CCBE1: variants seen among roughly 807,000 people sequenced by gnomAD.
The protein encoded by CCBE1 is collagen and calcium-binding EGF domain-containing protein 1.
A neutral mutation model predicts 50.0 loss-of-function variants in CCBE1; 37 were observed. The observed-to-expected ratio is 0.74, with a 90% CI of 0.57 to 0.97. CCBE1 has a LOEUF of 0.97. Ranked by LOEUF, CCBE1 falls within the 50% of genes least tolerant of loss-of-function variation. CCBE1 has a pLI of 0.00. For synonymous variants in CCBE1, 234 were observed against 203.7 expected (o/e 1.15, Z -1.27); for missense variants, 538 against 523.8 (o/e 1.03, Z -0.26).
chr18:59,524,927 C>CG (rs1229166742), intron 2 of CCBE1, among the ~76,000 whole-genome samples: 2 of 152,196 alleles, frequency 1.3e-5, no homozygotes, highest in African/African-American at 4.8e-5. Flanking sequence ...TACATGATCT[C>CG]GTTCCTTTTA....
chr18:59,697,569 G>A (rs1336523772), upstream of CCBE1: 12 of 579,724 alleles, frequency 2.1e-5, no homozygotes, highest in Non-Finnish European at 3.3e-5. Flanking sequence ...AGCAGGTAAA[G>A]GGGGTACCTG....
intron 2 of CCBE1, among the ~76,000 whole-genome samples, chr18:59,596,666 A>G (rs2053354947): frequency 6.6e-6 from 1 of 152,180 alleles, no homozygotes; most frequent in Non-Finnish European, 1.5e-5. Flanking sequence ...GCTCATATCC[A>G]CGTCTCTCGT....
intron 2 of CCBE1, among the ~76,000 whole-genome samples, chr18:59,547,679 T>A (rs1915759665): frequency 6.6e-6 from 1 of 152,206 alleles, no homozygotes; most frequent in Admixed American, 6.5e-5. Flanking sequence ...TTTGGTCTAA[T>A]GAGTGCTGAC....
chr18:59,465,899 C>T (rs905057854), intron 5 of CCBE1, among the ~76,000 whole-genome samples: 1 of 152,106 alleles, frequency 6.6e-6, no homozygotes, highest in Non-Finnish European at 1.5e-5. Context: ...CACACCACTT[C>T]AGCTTGGTGG....
intron 2 of CCBE1, among the ~76,000 whole-genome samples, chr18:59,561,266 C>T (rs1030739527): frequency 1.3e-5 from 2 of 152,212 alleles, no homozygotes; most frequent in African/African-American, 4.8e-5. Flanking sequence ...ATGCCCAAAG[C>T]TTATGTGTCA....
chr18:59,536,195 T>C (rs1400398837), intron 2 of CCBE1, among the ~76,000 whole-genome samples: 1 of 152,260 alleles, frequency 6.6e-6, no homozygotes, highest in African/African-American at 2.4e-5. Context: ...AGTGAAACTT[T>C]GATCAAATCG....
intron 2 of CCBE1, among the ~76,000 whole-genome samples, chr18:59,562,433 G>T (rs2052753390): frequency 6.6e-6 from 1 of 152,204 alleles, no homozygotes; most frequent in African/African-American, 2.4e-5. Flanking sequence ...CAGCTGCACA[G>T]AGAGAGGCAG....
At chr18:59,643,611 A>T (rs1391974631) in intron 2 of CCBE1, among the ~76,000 whole-genome samples, 1 of 152,220 alleles carries the variant, frequency 6.6e-6, no homozygotes, top group Non-Finnish European at 1.5e-5. Flanking sequence ...CCTGGCCAAC[A>T]TGGCAAAACC....
intron 2 of CCBE1, among the ~76,000 whole-genome samples, chr18:59,552,698 T>C (rs868013400): frequency 6.6e-6 from 1 of 152,240 alleles, no homozygotes. Context: ...CCTGGTCAAA[T>C]TCATTTATCA....
chr18:59,451,188 A>G (rs1009048507), intron 6 of CCBE1, among the ~76,000 whole-genome samples: 2 of 152,124 alleles, frequency 1.3e-5, no homozygotes, highest in African/African-American at 4.8e-5. Context: ...CACTTCCTGA[A>G]TGATTATCCA....
At chr18:59,651,982 A>C (rs2054133393) in intron 2 of CCBE1, among the ~76,000 whole-genome samples, 1 of 152,130 alleles carries the variant, frequency 6.6e-6, no homozygotes, top group African/African-American at 2.4e-5. Flanking sequence ...CTTCTATCTT[A>C]CTGTATGTTT....
chr18:59,673,452 A>G (rs1467310826), intron 2 of CCBE1, among the ~76,000 whole-genome samples: 1 of 152,212 alleles, frequency 6.6e-6, no homozygotes, highest in Non-Finnish European at 1.5e-5. Flanking sequence ...CTCCATCTCA[A>G]AAAATAAACA....
At position 59,439,742 on chromosome 18, in the gene CCBE1, A is replaced by G. The variant is rs762428550; in HGVS notation, c.850T>C (p.Ser284Pro). The G allele has an allele frequency of 1.2e-6, 2 of 1,614,082 alleles. No homozygotes were observed. Among genetic ancestry groups the G allele is most frequent in the African/African-American group, 1.3e-5 (1 of 74,944 alleles). ...GGAGATGGTCCCATGGGTCCCATTG[A>G]GCCCCGTGGGCCGGGCTGCCCAGGA... Reference protein sequence around the residue: ...GPPGQPGPRGSMGPMGPSPDL... With the variant: ...GPPGQPGPRGPMGPMGPSPDL... Residue 284 changes from serine (S) to proline (P), a missense_variant, in exon 8 of 11, where the codon TCA becomes CCA. Transcript: ENST00000439986.
chr18:59,469,768 A>T (rs895346519), intron 3 of CCBE1, among the ~76,000 whole-genome samples, 161 bp from the exon 4 acceptor site: 4 of 152,158 alleles, frequency 2.6e-5, no homozygotes, highest in African/African-American at 9.7e-5. Context: ...GCTGTGGGTC[A>T]CCTTCTAAGA....
rs529062069 is a variant in CCBE1 at position 59,468,109 on chromosome 18, T to C, written c.401-1218A>G. ...CCCCCAAACAAAAAGAACAGGGGGC[T>C]GGGTGCGGTGGCTCATGCCTGTAAT... On this transcript the variant is annotated intron_variant, in intron 4 of 10. Transcript: ENST00000439986. 1.2e-4 allele frequency among the ~76,000 whole-genome samples: 18 copies of C among 152,294 alleles called. No homozygotes were observed. In the East Asian group the frequency reaches 3.5e-3, roughly 29 times the overall value.
intron 2 of CCBE1, among the ~76,000 whole-genome samples, chr18:59,510,607 A>G (rs968683529): frequency 2.6e-5 from 4 of 152,000 alleles, no homozygotes; most frequent in African/African-American, 9.7e-5. Flanking sequence ...TTTTTAGTAG[A>G]GACGGGGTTT....
chr18:59,481,469 G>C (rs553727581), intron 2 of CCBE1, among the ~76,000 whole-genome samples: 2 of 152,216 alleles, frequency 1.3e-5, no homozygotes, highest in East Asian at 3.9e-4. Context: ...TCAGATTAAA[G>C]AAGTTTGGCA....
intron 2 of CCBE1, among the ~76,000 whole-genome samples, chr18:59,562,037 T>C (rs1316890133): frequency 6.6e-6 from 1 of 152,186 alleles, no homozygotes; most frequent in Non-Finnish European, 1.5e-5. Flanking sequence ...AACAAGTACG[T>C]AGGCAGAGAA....
intron 2 of CCBE1, among the ~76,000 whole-genome samples, chr18:59,681,053 A>G (rs1362310373): frequency 6.6e-6 from 1 of 151,900 alleles, no homozygotes; most frequent in African/African-American, 2.4e-5. Context: ...GGCTGAGAAA[A>G]AAAAAAAAAA....
Sources: gnomAD v4.1 joint callset for allele counts (sites outside exome capture counted in the v4.1 genomes callset) on GRCh38, gnomAD v4.1.1 for gene constraint, MANE v1.5 for transcripts, NCBI Gene and HGNC (gene_info 2026-07-23, HGNC 2026-07-21) for gene names.